Variants in FAM47E observed in about 807,000 individuals in gnomAD.
FAM47E encodes family with sequence similarity 47 member E.
Under a neutral mutation model 41.6 loss-of-function variants are expected in FAM47E, and 32 were observed. The observed-to-expected ratio is 0.77, with a 90% CI of 0.58 to 1.03. The LOEUF (loss-of-function observed/expected upper bound fraction) is 1.03, where lower values mean the gene tolerates loss of function less well. Among genes scored for constraint, FAM47E ranks in the 50% least tolerant of loss-of-function variants. FAM47E has a pLI of 0.00. For synonymous variants in FAM47E, 184 were observed against 188.7 expected (o/e 0.98, Z 0.20); for missense variants, 424 against 485.4 (o/e 0.87, Z 1.19).
At chr4:76,261,712 A>G (rs766653977) in intron 2 of FAM47E, among the ~76,000 whole-genome samples, 3 of 152,154 alleles carry the variant, frequency 2.0e-5, no homozygotes, top group Non-Finnish European at 2.9e-5. Flanking sequence ...AAAACTACCT[A>G]TGGGGTACTA....
At chr4:76,254,663 G>T (rs1486626226) in intron 1 of FAM47E, among the ~76,000 whole-genome samples, 4 of 152,162 alleles carry the variant, frequency 2.6e-5, no homozygotes, top group Non-Finnish European at 4.4e-5. Flanking sequence ...GTAGCAATGG[G>T]TGTAGCAAGG....
chr4:76,249,877 C>G (rs1733915405), upstream of FAM47E, among the ~76,000 whole-genome samples: 1 of 151,958 alleles, frequency 6.6e-6, no homozygotes, highest in Non-Finnish European at 1.5e-5. Context: ...TATTTCATTC[C>G]TTTTTATGGC....
intron 2 of FAM47E, among the ~76,000 whole-genome samples, chr4:76,220,532 T>C (rs1733289234): frequency 6.6e-6 from 1 of 151,728 alleles, no homozygotes; most frequent in Non-Finnish European, 1.5e-5. Flanking sequence ...TGAGGTGAGA[T>C]AGGAGGATTC....
intron 2 of FAM47E, among the ~76,000 whole-genome samples, chr4:76,226,335 GTT>G (rs1001492857): frequency 2.0e-5 from 3 of 152,206 alleles, no homozygotes. Context: ...AGCTGTCACA[GTT>G]TAGCATTATG....
chr4:76,263,227 C>T (rs1306500025), intron 2 of FAM47E, among the ~76,000 whole-genome samples: 1 of 152,106 alleles, frequency 6.6e-6, no homozygotes, highest in Non-Finnish European at 1.5e-5. Flanking sequence ...ATATGGTTTC[C>T]CTGCTCATAT....
At chr4:76,221,696 G>GCT (rs757763581) in intron 2 of FAM47E, among the ~76,000 whole-genome samples, 2 of 152,208 alleles carry the variant, frequency 1.3e-5, no homozygotes, top group Non-Finnish European at 2.9e-5. Context: ...TAGCTAAAGA[G>GCT]CTAAGCATCA....
chr4:76,260,063 A>C (rs996484571), intron 2 of FAM47E, among the ~76,000 whole-genome samples: 1 of 152,238 alleles, frequency 6.6e-6, no homozygotes, highest in East Asian at 1.9e-4. Flanking sequence ...GAAATCATAA[A>C]TGATGCTAAT....
intron 2 of FAM47E, among the ~76,000 whole-genome samples, chr4:76,241,523 A>C (rs2109992110): frequency 6.6e-6 from 1 of 152,238 alleles, no homozygotes; most frequent in South Asian, 2.1e-4. Flanking sequence ...ACACATACAC[A>C]GCTGCCTGAC....
intron 5 of FAM47E, among the ~76,000 whole-genome samples, chr4:76,277,345 G>T (rs983968960): frequency 1.3e-5 from 2 of 152,046 alleles, no homozygotes; most frequent in Non-Finnish European, 2.9e-5. Flanking sequence ...AATTAGCCGG[G>T]CATGGTGGTG....
At chr4:76,262,974 C>T (rs1042446089) in intron 2 of FAM47E, among the ~76,000 whole-genome samples, 4 of 151,866 alleles carry the variant, frequency 2.6e-5, no homozygotes, top group Non-Finnish European at 5.9e-5. Flanking sequence ...GCTATGTTGC[C>T]CAGGCTGGTC....
At chr4:76,242,035 A>C (rs757848401) in intron 2 of FAM47E, among the ~76,000 whole-genome samples, 3 of 152,192 alleles carry the variant, frequency 2.0e-5, no homozygotes, top group Admixed American at 2.0e-4. Context: ...GAAATGGAGG[A>C]AGTATGTGGC....
chr4:76,234,478 C>A (rs868102073), intron 2 of FAM47E: 1 of 152,192 alleles, frequency 6.6e-6, no homozygotes, highest in African/African-American at 2.4e-5. Context: ...GGGACTCTTG[C>A]TAGGCCAGAG....
intron 3 of FAM47E, 46 bp from the exon 4 acceptor site, chr4:76,268,614 A>G: frequency 6.5e-7 from 1 of 1,528,934 alleles, no homozygotes; most frequent in South Asian, 1.3e-5. Context: ...ATCCATTTGG[A>G]TTCATTGTGT....
chr4:76,239,974 A>G (rs1241599259), intron 2 of FAM47E, among the ~76,000 whole-genome samples: 2 of 152,180 alleles, frequency 1.3e-5, no homozygotes, highest in African/African-American at 2.4e-5. Context: ...CCATTTGTCA[A>G]AAAGATCATC....
At chr4:76,264,798 GTT>G (rs1734560867) in intron 3 of FAM47E, among the ~76,000 whole-genome samples, 25 of 152,196 alleles carry the variant, frequency 1.6e-4, no homozygotes, top group Admixed American at 1.6e-3. Context: ...GTTTCGCCAT[GTT>G]GGCCAGCCTA....
rs1733235800 is a variant in FAM47E, at chr4:76,217,749, A to G, written c.81+61A>G. 4 of 510,814 alleles carry G rather than the reference A, an allele frequency of 7.8e-6. No homozygotes were observed. The East Asian group carries it at 1.2e-4, about 16-fold the overall frequency. The allele number at this position is 510,814 out of a possible 1,614,324, so 31.6% of individuals were successfully genotyped here. On this transcript the variant is annotated intron_variant, in intron 2 of 7. Coordinates refer to the FAM47E transcript ENST00000510197. ...AAATGAGGAGACTGATGCTGTGGCAAGGAGATACGGTGATCTCTCTATACC... is the reference window on the plus strand; with the variant it reads ...AAATGAGGAGACTGATGCTGTGGCAGGGAGATACGGTGATCTCTCTATACC...
Position 76,221,892 on chromosome 4 carries a change from C to A in FAM47E, c.81+4204C>A, listed in dbSNP as rs1473210262. On this transcript the variant is annotated intron_variant, in intron 2 of 7. Transcript: ENST00000510197. ...CCTGTGTAACAAACTTGCACATGTACCACCTGAACCTAAAATAAAAATCAA... is the reference window on the plus strand; with the variant it reads ...CCTGTGTAACAAACTTGCACATGTAACACCTGAACCTAAAATAAAAATCAA... Among the ~76,000 whole-genome samples, 8 of 152,300 alleles carry A rather than the reference C, an allele frequency of 5.3e-5. No individual in the cohort carries two copies. The East Asian group carries it at 1.5e-3, about 29-fold the overall frequency.
At position 76,271,711 on chromosome 4, in the gene FAM47E, G is replaced by C. The variant is rs893820799; in HGVS notation, c.813G>C (p.Leu271=). ...ELKRSVGLSK[L]QETEFFQKLG... is the part of the protein sequence containing the mutation. ...AGCGTAGTGTGGGGCTCAGTAAACT[G>C]CAGGAGACAGAGTTCTTCCAGAAAC... The change falls in exon 5 of 8, where the codon CTG becomes CTC. Residue 271 remains leucine (L), a synonymous_variant. Coordinates refer to ENST00000424749, the MANE Select transcript of FAM47E (RefSeq NM_001136570.3). 1 of 1,551,638 alleles carries C rather than the reference G, an allele frequency of 6.4e-7. No individual in the cohort carries two copies. The highest frequency in any genetic ancestry group is 1.4e-5 in the African/African-American group (1 of 73,034).
At chr4:76,231,320 A>G (rs1444133890) in intron 2 of FAM47E, among the ~76,000 whole-genome samples, 3 of 152,208 alleles carry the variant, frequency 2.0e-5, no homozygotes, top group Non-Finnish European at 2.9e-5. Flanking sequence ...CAGAATTAGA[A>G]TGTTGATCCA....
Sources: gnomAD v4.1 joint callset for allele counts (sites outside exome capture counted in the v4.1 genomes callset) on GRCh38, gnomAD v4.1.1 for gene constraint, MANE v1.5 for transcripts, NCBI Gene and HGNC (gene_info 2026-07-23, HGNC 2026-07-21) for gene names.